Variants in CTIF observed in about 807,000 individuals in gnomAD.
CTIF encodes cap binding complex dependent translation initiation factor.
Under a neutral mutation model 66.0 loss-of-function variants are expected in CTIF, and 21 were observed. The observed-to-expected ratio is 0.32, with a 90% confidence interval of 0.23 to 0.46. The LOEUF is 0.46. Ranked by LOEUF, CTIF falls within the 20% of genes least tolerant of loss-of-function variation. The probability of loss-of-function intolerance (pLI) is 1.00; values close to 1 mark genes in which losing one functional copy is unlikely to be tolerated. For missense variants in CTIF, 739 were observed against 812.7 expected (o/e 0.91, Z 1.10); for synonymous variants, 345 against 326.4 (o/e 1.06, Z -0.62).
chr18:48,667,113 A>C (rs2144952332), intron 5 of CTIF, among the ~76,000 whole-genome samples: 1 of 151,762 alleles, frequency 6.6e-6, no homozygotes, highest in East Asian at 1.9e-4. Context: ...ACACACACAC[A>C]CACGAGTATA....
At chr18:48,587,075 CTT>C (rs778079682) in intron 1 of CTIF, among the ~76,000 whole-genome samples, 2,041 of 127,926 alleles carry the variant, frequency 0.016, 54 homozygotes, top group African/African-American at 0.055. Context: ...AAGCCACATT[CTT>C]TTTTTTTTTT....
At chr18:48,677,938 A>T (rs1403519266) in intron 6 of CTIF, among the ~76,000 whole-genome samples, 2 of 152,158 alleles carry the variant, frequency 1.3e-5, no homozygotes, top group African/African-American at 4.8e-5. Flanking sequence ...AGTCTCACAA[A>T]TACCCTGGGA....
chr18:48,639,189 G>A (rs2090881512), intron 3 of CTIF, among the ~76,000 whole-genome samples: 1 of 152,230 alleles, frequency 6.6e-6, no homozygotes, highest in South Asian at 2.1e-4. Flanking sequence ...GCCTGAGTCT[G>A]GCGTGGGATG....
chr18:48,851,920 GAA>G (rs1300951568), intron 10 of CTIF, among the ~76,000 whole-genome samples: 2 of 152,016 alleles, frequency 1.3e-5, no homozygotes, highest in Non-Finnish European at 2.9e-5. Context: ...GCATATGAGG[GAA>G]ATTTACTATA....
At chr18:48,793,200 C>T (rs1452177511) in intron 9 of CTIF, among the ~76,000 whole-genome samples, 1 of 152,190 alleles carries the variant, frequency 6.6e-6, no homozygotes, top group Non-Finnish European at 1.5e-5. Flanking sequence ...CAAGGGAGGG[C>T]TCAGGAGAGA....
chr18:48,572,453 A>G lies in CTIF; in HGVS notation c.-29+33141A>G, dbSNP rs137919169. On this transcript the variant is annotated intron_variant, in intron 1 of 11. Transcript: ENST00000256413. Reference sequence around the variant, plus strand: ...GTTGCCTGTGTGGCTATCGGAGGTAAAGATGAGTCCTCTCTTTTTATAACT... The same window carrying G: ...GTTGCCTGTGTGGCTATCGGAGGTAGAGATGAGTCCTCTCTTTTTATAACT... 5.2e-3 allele frequency among the ~76,000 whole-genome samples: 794 copies of G among 152,264 alleles called. 1 individual carries two copies. The highest frequency in any genetic ancestry group is 7.6e-3 in the Non-Finnish European group (514 of 68,026).
At chr18:48,812,244 G>A (rs2146294974) in intron 9 of CTIF, among the ~76,000 whole-genome samples, 1 of 152,346 alleles carries the variant, frequency 6.6e-6, no homozygotes, top group East Asian at 1.9e-4. Flanking sequence ...GATTATAGGT[G>A]TGAGCCACCG....
intron 1 of CTIF, among the ~76,000 whole-genome samples, chr18:48,589,672 A>G (rs2089847233): frequency 6.6e-6 from 1 of 152,196 alleles, no homozygotes. Context: ...GGGTGGATTT[A>G]GCTGGCCTTT....
chr18:48,847,869 T>G (rs2069114498), intron 10 of CTIF, among the ~76,000 whole-genome samples: 1 of 152,202 alleles, frequency 6.6e-6, no homozygotes, highest in South Asian at 2.1e-4. Context: ...CTTGGATAGA[T>G]TATCTACTTC....
intron 6 of CTIF, among the ~76,000 whole-genome samples, chr18:48,693,317 A>G (rs1386602175): frequency 6.6e-6 from 1 of 152,062 alleles, no homozygotes; most frequent in Non-Finnish European, 1.5e-5. Flanking sequence ...TTCTAAAAAT[A>G]CTCACTTTTT....
intron 9 of CTIF, among the ~76,000 whole-genome samples, chr18:48,794,677 A>G (rs929872992): frequency 5.9e-5 from 9 of 152,212 alleles, no homozygotes; most frequent in African/African-American, 2.4e-5. Flanking sequence ...GGATGATTGA[A>G]GGCAGGTGGG....
At chr18:48,593,105 G>A (rs1054369878) in intron 1 of CTIF, among the ~76,000 whole-genome samples, 11 of 152,290 alleles carry the variant, frequency 7.2e-5, no homozygotes, top group Middle Eastern at 3.4e-3. Flanking sequence ...TCTGTATCTG[G>A]TGGGAGCATG....
chr18:48,804,961 G>A (rs1449281140), intron 9 of CTIF, among the ~76,000 whole-genome samples: 1 of 152,224 alleles, frequency 6.6e-6, no homozygotes, highest in Non-Finnish European at 1.5e-5. Context: ...GAAGCCTGTT[G>A]TACTGATGAG....
At chr18:48,712,415 A>C (rs762071351) in intron 7 of CTIF, among the ~76,000 whole-genome samples, 37 of 152,192 alleles carry the variant, frequency 2.4e-4, no homozygotes, top group Non-Finnish European at 5.0e-4. Flanking sequence ...TTCAAGATAT[A>C]TTTTAAGTGG....
chr18:48,776,908 T>G (rs557667024), intron 9 of CTIF, among the ~76,000 whole-genome samples: 1 of 152,340 alleles, frequency 6.6e-6, no homozygotes, highest in Non-Finnish European at 1.5e-5. Flanking sequence ...GCCCCAGCCC[T>G]GCCTTTCCCT....
chr18:48,720,540 G>A (rs2092325487), intron 7 of CTIF, among the ~76,000 whole-genome samples: 1 of 152,106 alleles, frequency 6.6e-6, no homozygotes, highest in Non-Finnish European at 1.5e-5. Flanking sequence ...AAGAAAATGG[G>A]ACAGGCAAAC....
chr18:48,561,564 A>G (rs897884945), intron 1 of CTIF, among the ~76,000 whole-genome samples: 2 of 152,158 alleles, frequency 1.3e-5, no homozygotes, highest in African/African-American at 2.4e-5. Context: ...GGGGCTGCAG[A>G]GATGGATCAG....
intron 10 of CTIF, among the ~76,000 whole-genome samples, chr18:48,820,807 G>A (rs779824975): frequency 2.6e-4 from 40 of 152,228 alleles, no homozygotes; most frequent in Non-Finnish European, 1.5e-4. Flanking sequence ...TCTGAGTGAA[G>A]GGTCTTGCTG....
At chr18:48,815,391 A>G (rs998951027) in intron 9 of CTIF, among the ~76,000 whole-genome samples, 2 of 152,252 alleles carry the variant, frequency 1.3e-5, no homozygotes, top group African/African-American at 4.8e-5. Context: ...AAAATGGGGC[A>G]GTAATAGGAC....
Sources: allele counts gnomAD v4.1 joint callset (sites outside exome capture counted in the v4.1 genomes callset), GRCh38; gene constraint gnomAD v4.1.1; transcripts MANE v1.5; gene names NCBI Gene and HGNC (gene_info 2026-07-23, HGNC 2026-07-21).